The following THSD4 variants were observed in gnomAD, a reference collection of about 807,000 sequenced individuals.
THSD4 encodes thrombospondin type 1 domain containing 4.
THSD4 carries 69 observed loss-of-function variants against 119.0 expected under a neutral mutation model. The observed-to-expected ratio is 0.58, with a 90% confidence interval of 0.48 to 0.71. The LOEUF (loss-of-function observed/expected upper bound fraction) is 0.71, where lower values mean the gene tolerates loss of function less well. Ranked by LOEUF, THSD4 falls within the 30% of genes least tolerant of loss-of-function variation. The pLI, the probability that THSD4 is intolerant of heterozygous loss-of-function variation, is 0.00. For missense variants in THSD4, 1,393 were observed against 1,391.1 expected, an observed-to-expected ratio of 1.00 and a Z score of -0.02; for synonymous variants, 524 against 540.4, an observed-to-expected ratio of 0.97 and a Z score of 0.42.
At chr15:71,252,744 T>C (rs913154470) in intron 5 of THSD4, among the ~76,000 whole-genome samples, 1 of 152,262 alleles carries the variant, frequency 6.6e-6, no homozygotes. Context: ...AACTTTTTGT[T>C]GCCTTGGGTT....
chr15:71,618,668 G>GTA (rs2050365017), intron 7 of THSD4, among the ~76,000 whole-genome samples: 1 of 151,946 alleles, frequency 6.6e-6, no homozygotes, highest in Non-Finnish European at 1.5e-5. Context: ...CAGCCTCCTG[G>GTA]GCTCAGGTGA....
Position 71,660,519 on chromosome 15 carries a change from T to A in THSD4, c.1153-11T>A. 6.2e-7 allele frequency: 1 copy of A among 1,614,028 alleles called. No homozygotes were observed. Among genetic ancestry groups the A allele is most frequent in the Non-Finnish European group, 8.5e-7 (1 of 1,179,926 alleles). The stretch of plus-strand genomic sequence containing the variant: ...CATACTATGAGTCTTTTGTTTTCTG[T>A]CTTTTTGCAGAGCATTGGCTGTGAT... On this transcript the variant is annotated splice_polypyrimidine_tract_variant and intron_variant, in intron 7 of 17. Coordinates refer to ENST00000261862, the MANE Select transcript of THSD4 (RefSeq NM_024817.3).
intron 4 of THSD4, among the ~76,000 whole-genome samples, chr15:71,242,368 A>C (rs181155791): frequency 6.6e-6 from 1 of 152,286 alleles, no homozygotes; most frequent in African/African-American, 2.4e-5. Flanking sequence ...CGCTGACCAT[A>C]GTTTACTGTT....
intron 7 of THSD4, among the ~76,000 whole-genome samples, chr15:71,575,729 C>T (rs913538950): frequency 6.6e-6 from 1 of 152,180 alleles, no homozygotes; most frequent in African/African-American, 2.4e-5. Context: ...TTCCAGAGGA[C>T]TGTAGGAAAT....
chr15:71,493,065 C>T (rs2047947708), intron 7 of THSD4, among the ~76,000 whole-genome samples: 1 of 152,152 alleles, frequency 6.6e-6, no homozygotes, highest in Admixed American at 6.5e-5. Context: ...ACTTCAGAGC[C>T]ATATGGTTGT....
At chr15:71,159,669 G>C (rs2043233679) in intron 3 of THSD4, among the ~76,000 whole-genome samples, 1 of 152,016 alleles carries the variant, frequency 6.6e-6, no homozygotes, top group African/African-American at 2.4e-5. Flanking sequence ...TTGTTTATTA[G>C]TTCTAAGAGT....
At chr15:71,539,755 C>A (rs1353383052) in intron 7 of THSD4, among the ~76,000 whole-genome samples, 1 of 152,174 alleles carries the variant, frequency 6.6e-6, no homozygotes, top group East Asian at 1.9e-4. Flanking sequence ...CCGTCATAAG[C>A]AGATTAGAGT....
intron 6 of THSD4, among the ~76,000 whole-genome samples, chr15:71,390,485 A>C (rs1056606743): frequency 6.6e-6 from 1 of 152,220 alleles, no homozygotes; most frequent in Non-Finnish European, 1.5e-5. Flanking sequence ...TTTCCTTTAC[A>C]TAAGTCTACA....
intron 8 of THSD4, among the ~76,000 whole-genome samples, chr15:71,661,841 A>G (rs2140998418): frequency 6.6e-6 from 1 of 152,282 alleles, no homozygotes; most frequent in South Asian, 2.1e-4. Flanking sequence ...CCTAAAACAA[A>G]CTATGTGTCA....
chr15:71,720,036 C>CTTT (rs1200407782), intron 8 of THSD4, among the ~76,000 whole-genome samples: 59 of 101,934 alleles, frequency 5.8e-4, no homozygotes, highest in African/African-American at 1.9e-3. Flanking sequence ...TTTTTTTTTT[C>CTTT]TTTTTTTTTT....
chr15:71,765,261 T>C, intron 16 of THSD4, 62 bp downstream of exon 16: 4 of 1,539,958 alleles, frequency 2.6e-6, no homozygotes, highest in Non-Finnish European at 2.6e-6. Flanking sequence ...TGAACTCCTA[T>C]AGACCCCTCT....
intron 15 of THSD4, among the ~76,000 whole-genome samples, chr15:71,763,098 A>T (rs1375960493): frequency 2.6e-5 from 4 of 152,088 alleles, no homozygotes; most frequent in Non-Finnish European, 4.4e-5. Context: ...TTAGTAAAAA[A>T]ATCCCGTAGT....
intron 6 of THSD4, among the ~76,000 whole-genome samples, chr15:71,349,795 G>A (rs1478450760): frequency 1.3e-5 from 2 of 152,114 alleles, no homozygotes; most frequent in Non-Finnish European, 2.9e-5. Context: ...ATGGGATAGG[G>A]GTCCTTACTC....
intron 4 of THSD4, among the ~76,000 whole-genome samples, chr15:71,236,931 G>A (rs1368018540): frequency 3.9e-5 from 6 of 152,194 alleles, no homozygotes; most frequent in Admixed American, 6.5e-5. Flanking sequence ...AAATGCTTCC[G>A]TTGAATCCTG....
chr15:71,128,201 T>C (rs2040471185), intron 1 of THSD4, among the ~76,000 whole-genome samples: 1 of 149,720 alleles, frequency 6.7e-6, no homozygotes. Context: ...GCAACAGATA[T>C]AAAAATAGAC....
At chr15:71,097,717 T>C (rs2040236863) in intron 1 of THSD4, among the ~76,000 whole-genome samples, 1 of 132,522 alleles carries the variant, frequency 7.5e-6, no homozygotes. Flanking sequence ...TGTATATATA[T>C]ATATATATAT....
At chr15:71,602,031 T>C (rs145704431) in intron 7 of THSD4, among the ~76,000 whole-genome samples, 98 of 152,244 alleles carry the variant, frequency 6.4e-4, no homozygotes, top group African/African-American at 2.3e-3. Context: ...GAGGTGGGAT[T>C]TCAGCTGGAT....
At chr15:71,460,042 C>G (rs2047405868) in intron 7 of THSD4, among the ~76,000 whole-genome samples, 1 of 152,136 alleles carries the variant, frequency 6.6e-6, no homozygotes, top group South Asian at 2.1e-4. Context: ...TAATGTCTAT[C>G]CTATAATAGG....
chr15:71,486,346 A>C (rs1053342425), intron 7 of THSD4, among the ~76,000 whole-genome samples: 5 of 152,136 alleles, frequency 3.3e-5, no homozygotes, highest in African/African-American at 9.7e-5. Context: ...GGGAAAGTGA[A>C]ATTTTCCGAG....
Sources: allele counts gnomAD v4.1 joint callset (sites outside exome capture counted in the v4.1 genomes callset), GRCh38; gene constraint gnomAD v4.1.1; transcripts MANE v1.5; gene names NCBI Gene and HGNC (gene_info 2026-07-23, HGNC 2026-07-21).